Variants in ZNF469 observed in about 807,000 individuals in gnomAD.
The protein encoded by ZNF469 is zinc finger protein 469.
A neutral mutation model predicts 1.0 loss-of-function variants in ZNF469; 1 was observed. The ratio of observed to expected loss-of-function variants is 1.00; its 90% CI spans 0.35 to 4.73. ZNF469 has a LOEUF of 4.73. Ranked by LOEUF, ZNF469 falls within the 30% of genes most tolerant of loss-of-function variation. The pLI is 0.16. For missense variants in ZNF469, 6,100 were observed against 5,356.3 expected, an observed-to-expected ratio of 1.14 and a Z score of -4.33; for synonymous variants, 2,703 against 2,363.4, an observed-to-expected ratio of 1.14 and a Z score of -4.17.
rs1216460720 is a variant in ZNF469, at chr16:88,429,594, G to A, written c.2124G>A (p.Ala708=). The A allele has an allele frequency of 2.1e-5, 32 of 1,549,340 alleles. No individual in the cohort carries two copies. Among genetic ancestry groups the A allele is most frequent in the Admixed American group, 1.2e-4 (6 of 50,936 alleles). Residue 708 remains alanine (A), a synonymous_variant, in exon 3 of 3, where the codon GCG becomes GCA. Transcript: ENST00000565624. The part of the protein sequence containing the change: ...GRGGLQGFPR[A]PPPYPTHHFS... ...GAGGGCTGCAGGGCTTCCCCCGTGC[G>A]CCGCCTCCGTACCCCACACACCACT...
chr16:88,371,636 T>A, the ZNF469 span, among the ~76,000 whole-genome samples: 46 of 152,210 alleles, frequency 3.0e-4, no homozygotes, highest in Non-Finnish European at 5.1e-4. Context: ...TACAGTAGGC[T>A]TGGTTTTGAG....
At chr16:88,185,803 A>G in the ZNF469 span, among the ~76,000 whole-genome samples, 1 of 150,840 alleles carries the variant, frequency 6.6e-6, no homozygotes, top group Non-Finnish European at 1.5e-5. Flanking sequence ...TAGTACTCGC[A>G]CACACACGCA....
At chr16:88,400,637 A>T (rs113912377) in intron 1 of ZNF469, among the ~76,000 whole-genome samples, 1 of 152,118 alleles carries the variant, frequency 6.6e-6, no homozygotes, top group Non-Finnish European at 1.5e-5. Flanking sequence ...CTGGACCCAG[A>T]GCCAGCTCTG....
At chr16:88,221,549 G>A in the ZNF469 span, among the ~76,000 whole-genome samples, 1 of 152,228 alleles carries the variant, frequency 6.6e-6, no homozygotes, top group Non-Finnish European at 1.5e-5. Flanking sequence ...GCCGGAGAAG[G>A]GGCCTGGCTG....
At chr16:88,169,492 C>A in the ZNF469 span, among the ~76,000 whole-genome samples, 4 of 152,188 alleles carry the variant, frequency 2.6e-5, no homozygotes, top group Non-Finnish European at 4.4e-5. The surrounding 1 kb of genome is among the most constrained non-coding windows in gnomAD (Gnocchi z 6.1). Flanking sequence ...CAGTACGCAA[C>A]CTTTCACCTA....
At chr16:88,145,965 G>A in the ZNF469 span, among the ~76,000 whole-genome samples, 22 of 152,246 alleles carry the variant, frequency 1.4e-4, no homozygotes, top group Non-Finnish European at 2.4e-4. Context: ...TTTCCCAGCC[G>A]GCCTCGCAGT....
the ZNF469 span, among the ~76,000 whole-genome samples, chr16:88,370,539 G>A: frequency 7.9e-3 from 1,209 of 152,246 alleles, 16 homozygotes; most frequent in African/African-American, 0.027. Flanking sequence ...TGTCACCCAC[G>A]TCTGGGTTCC....
chr16:88,239,165 TGTGC>T, the ZNF469 span, among the ~76,000 whole-genome samples: 2 of 152,184 alleles, frequency 1.3e-5, no homozygotes, highest in African/African-American at 4.8e-5. Flanking sequence ...GAGGTGGGGT[TGTGC>T]CGAAGTCTCT....
the ZNF469 span, among the ~76,000 whole-genome samples, chr16:88,137,137 C>T: frequency 2.2e-4 from 34 of 152,184 alleles, no homozygotes; most frequent in South Asian, 3.3e-3. Flanking sequence ...CACATACAAC[C>T]GTGCATGCAA....
the ZNF469 span, among the ~76,000 whole-genome samples, chr16:88,148,945 G>A: frequency 5.3e-5 from 8 of 152,288 alleles, no homozygotes; most frequent in African/African-American, 1.9e-4. Flanking sequence ...TGCTCTGGCC[G>A]TGGCTGGGTG....
In ZNF469 at chr16:88,438,709, G is replaced by A. The variant is rs1412847785; in HGVS notation, c.11239G>A (p.Gly3747Ser). ...SPRPGTKTGG[G>S]SQPQPASGQL... Reference sequence around the variant, plus strand: ...TCGCCCCGGCACCAAGACAGGAGGTGGCAGCCAGCCCCAGCCAGCCAGCGG... The same window carrying A: ...TCGCCCCGGCACCAAGACAGGAGGTAGCAGCCAGCCCCAGCCAGCCAGCGG... Residue 3747 changes from glycine to serine, a missense_variant, in exon 3 of 3, where the codon GGC becomes AGC. Gly to Ser is a moderately conservative substitution (Grantham distance 56). Coordinates refer to ENST00000565624, the MANE Select transcript of ZNF469 (RefSeq NM_001367624.2). 10 of 1,549,814 alleles carry A rather than the reference G, an allele frequency of 6.5e-6. No homozygotes were observed. Among genetic ancestry groups the A allele is most frequent in the African/African-American group, 1.4e-5 (1 of 72,994 alleles).
At chr16:88,350,853 C>T in the ZNF469 span, among the ~76,000 whole-genome samples, 2 of 152,204 alleles carry the variant, frequency 1.3e-5, no homozygotes, top group African/African-American at 4.8e-5. Context: ...ACAGATTCTC[C>T]CCAAGAGAAA....
the ZNF469 span, among the ~76,000 whole-genome samples, chr16:88,127,717 G>A: frequency 2.0e-5 from 3 of 152,202 alleles, no homozygotes; most frequent in Non-Finnish European, 4.4e-5. Context: ...TGGGCTGAGG[G>A]TGGGGTGGCC....
chr16:88,420,084 G>A (rs143914295), intron 1 of ZNF469, among the ~76,000 whole-genome samples: 11 of 152,378 alleles, frequency 7.2e-5, no homozygotes, highest in Non-Finnish European at 1.2e-4. Context: ...GGTTCCATGT[G>A]TGGGGAAGAC....
chr16:88,168,202 A>G, the ZNF469 span, among the ~76,000 whole-genome samples: 1 of 152,240 alleles, frequency 6.6e-6, no homozygotes, highest in African/African-American at 2.4e-5. The surrounding 1 kb of genome is among the most constrained non-coding windows in gnomAD (Gnocchi z 4.3). Flanking sequence ...CAGAAGCTCA[A>G]CTTCAAAAGA....
At chr16:88,331,179 ACCACCGTCG>A in the ZNF469 span, among the ~76,000 whole-genome samples, 1 of 151,080 alleles carries the variant, frequency 6.6e-6, no homozygotes, top group Admixed American at 6.6e-5. Context: ...CATTACCATC[ACCACCGTCG>A]TCACCATCAC....
chr16:88,105,956 T>A, the ZNF469 span, among the ~76,000 whole-genome samples: 2 of 152,248 alleles, frequency 1.3e-5, no homozygotes, highest in African/African-American at 2.4e-5. Context: ...GGCTCCATCA[T>A]GGTTGCAAGC....
the ZNF469 span, among the ~76,000 whole-genome samples, chr16:88,254,141 C>G: frequency 6.6e-6 from 1 of 152,136 alleles, no homozygotes. Flanking sequence ...CATTACTGCT[C>G]TAGGTTCTAT....
intron 1 of ZNF469, among the ~76,000 whole-genome samples, chr16:88,386,889 C>T (rs1474305321): frequency 6.6e-6 from 1 of 152,088 alleles, no homozygotes; most frequent in African/African-American, 2.4e-5. Context: ...TTTGGCCACT[C>T]CCTCCCCGTG....
Sources: allele counts gnomAD v4.1 joint callset (sites outside exome capture counted in the v4.1 genomes callset), GRCh38; gene constraint gnomAD v4.1.1; non-coding constraint Gnocchi (gnomAD v3.1); transcripts MANE v1.5; gene names NCBI Gene and HGNC (gene_info 2026-07-23, HGNC 2026-07-21).